Variants in RAB38 observed in about 807,000 individuals in gnomAD.
The protein encoded by RAB38 is RAB38, member RAS oncogene family, also known as ras-related protein Rab-38.
A neutral mutation model predicts 18.4 loss-of-function variants in RAB38; 15 were observed. That is an observed-to-expected ratio of 0.82 (90% confidence interval 0.55 to 1.26). The LOEUF (loss-of-function observed/expected upper bound fraction) is 1.26. Ranked by LOEUF, RAB38 falls within the 50% of genes most tolerant of loss-of-function variation. The pLI, the probability that RAB38 is intolerant of heterozygous loss-of-function variation, is 0.00. For missense variants in RAB38, 294 were observed against 267.4 expected (o/e 1.10, Z -0.69); for synonymous variants, 101 against 104.4 (o/e 0.97, Z 0.20).
At chr11:87,897,422 C>T in the RAB38 span, among the ~76,000 whole-genome samples, 1 of 151,586 alleles carries the variant, frequency 6.6e-6, no homozygotes, top group Admixed American at 6.6e-5. Context: ...TGTGAAATGA[C>T]ATTCTTGGGA....
chr11:87,850,906 T>C, the RAB38 span, among the ~76,000 whole-genome samples: 2 of 152,192 alleles, frequency 1.3e-5, no homozygotes, highest in African/African-American at 4.8e-5. Flanking sequence ...TCAAAGTGCA[T>C]GTCCTTTTCA....
the RAB38 span, among the ~76,000 whole-genome samples, chr11:87,855,405 G>T: frequency 1.3e-5 from 2 of 152,142 alleles, no homozygotes; most frequent in African/African-American, 4.8e-5. Context: ...ACCTCTATTG[G>T]CTTACTGAGG....
intron 1 of RAB38, among the ~76,000 whole-genome samples, chr11:88,169,234 A>G (rs981126130): frequency 2.0e-5 from 3 of 152,172 alleles, no homozygotes; most frequent in African/African-American, 4.8e-5. Flanking sequence ...GGTTAACACA[A>G]ACTAGAAAGT....
In RAB38 at chr11:88,175,170, C is replaced by A. The variant is rs752109793; in HGVS notation, c.202+13G>T. The A allele has an allele frequency of 6.3e-7, 1 of 1,583,672 alleles. No homozygotes were observed. The highest frequency in any genetic ancestry group is 1.8e-5 in the Admixed American group (1 of 56,472). On this transcript the variant is annotated intron_variant, in intron 1 of 2. Coordinates refer to ENST00000243662, the MANE Select transcript of RAB38 (RefSeq NM_022337.3). ...GGCGCTCTATCCCCCTGACCCCCTC[C>A]CCCCGCGCTCACCTGCGATATCCCA...
chr11:87,966,316 A>T, the RAB38 span, among the ~76,000 whole-genome samples: 1 of 152,090 alleles, frequency 6.6e-6, no homozygotes, highest in Non-Finnish European at 1.5e-5. Context: ...AAACTATTAT[A>T]TTTACATGTA....
At chr11:87,886,020 C>G in the RAB38 span, among the ~76,000 whole-genome samples, 1 of 151,920 alleles carries the variant, frequency 6.6e-6, no homozygotes, top group Non-Finnish European at 1.5e-5. Context: ...TGGCTCCTTG[C>G]TTCTAGCACT....
chr11:87,874,830 C>G, the RAB38 span, among the ~76,000 whole-genome samples: 72 of 151,120 alleles, frequency 4.8e-4, no homozygotes. Context: ...AAGGGGGAAC[C>G]CTTGCAGGTT....
At chr11:87,824,244 A>G in the RAB38 span, among the ~76,000 whole-genome samples, 5 of 152,190 alleles carry the variant, frequency 3.3e-5, no homozygotes, top group African/African-American at 4.8e-5. Context: ...TTCCCTCTGA[A>G]CAGTAAGAGA....
chr11:88,110,658 A>G (rs1591149184), downstream of RAB38, among the ~76,000 whole-genome samples: 1 of 151,908 alleles, frequency 6.6e-6, no homozygotes, highest in African/African-American at 2.4e-5. Context: ...CTCTACTAAA[A>G]ATACAAAAAT....
At chr11:88,076,048 G>T in the RAB38 span, among the ~76,000 whole-genome samples, 1 of 150,594 alleles carries the variant, frequency 6.6e-6, no homozygotes, top group Non-Finnish European at 1.5e-5. Context: ...AAAATAAAAA[G>T]ATCAAAAAAA....
the RAB38 span, among the ~76,000 whole-genome samples, chr11:88,023,371 A>T: frequency 6.6e-6 from 1 of 151,702 alleles, no homozygotes; most frequent in South Asian, 2.1e-4. Context: ...CAAAAAAAAA[A>T]CCTACAAAAC....
chr11:88,090,796 G>C, the RAB38 span, among the ~76,000 whole-genome samples: 1 of 151,862 alleles, frequency 6.6e-6, no homozygotes, highest in South Asian at 2.1e-4. Flanking sequence ...ATCAGCCAAG[G>C]AGGATCCCCA....
chr11:88,123,855 T>C (rs1026004448), intron 2 of RAB38, among the ~76,000 whole-genome samples: 3 of 152,224 alleles, frequency 2.0e-5, no homozygotes, highest in Non-Finnish European at 4.4e-5. Flanking sequence ...GTACATATAA[T>C]GATTTTAACA....
At chr11:88,168,375 T>C (rs1300069191) in intron 1 of RAB38, among the ~76,000 whole-genome samples, 5 of 152,196 alleles carry the variant, frequency 3.3e-5, no homozygotes, top group Admixed American at 6.5e-5. Context: ...AATCTTCAGC[T>C]AGGTCAGATT....
the RAB38 span, among the ~76,000 whole-genome samples, chr11:87,840,804 G>A: frequency 6.6e-6 from 1 of 152,032 alleles, no homozygotes; most frequent in Non-Finnish European, 1.5e-5. Context: ...ATATAGGGTG[G>A]TTCAAATTAA....
the RAB38 span, among the ~76,000 whole-genome samples, chr11:87,930,067 T>C: frequency 6.6e-6 from 1 of 152,168 alleles, no homozygotes; most frequent in Non-Finnish European, 1.5e-5. Flanking sequence ...TATAATCCTT[T>C]GGGTATATAC....
the RAB38 span, among the ~76,000 whole-genome samples, chr11:88,087,469 G>C: frequency 6.6e-6 from 1 of 151,934 alleles, no homozygotes; most frequent in Admixed American, 6.6e-5. Context: ...AGGGTTCTTG[G>C]TTTTGCCTAG....
chr11:88,027,689 C>T, the RAB38 span, among the ~76,000 whole-genome samples: 2 of 152,170 alleles, frequency 1.3e-5, no homozygotes, highest in African/African-American at 4.8e-5. Flanking sequence ...CGCCATTGCC[C>T]AGGCTTGCTT....
chr11:88,089,928 G>C, the RAB38 span, among the ~76,000 whole-genome samples: 3 of 151,916 alleles, frequency 2.0e-5, no homozygotes, highest in Non-Finnish European at 4.4e-5. Context: ...TTGGATAAGT[G>C]GGATTGGTGC....
Sources: allele counts gnomAD v4.1 joint callset (sites outside exome capture counted in the v4.1 genomes callset), GRCh38; gene constraint gnomAD v4.1.1; transcripts MANE v1.5; gene names NCBI Gene and HGNC (gene_info 2026-07-23, HGNC 2026-07-21).